Variants in CAMTA1 observed in about 807,000 individuals in gnomAD.
CAMTA1 encodes the protein calmodulin binding transcription activator 1, also known as calmodulin-binding transcription activator 1.
In CAMTA1, 27 loss-of-function variants were observed where a neutral mutation model predicts 170.9. The ratio of observed to expected loss-of-function variants is 0.16; its 90% confidence interval spans 0.12 to 0.22. CAMTA1 has a LOEUF of 0.22. Among genes scored for constraint, CAMTA1 ranks in the 10% least tolerant of loss-of-function variants. CAMTA1 has a pLI of 1.00. For missense variants in CAMTA1, 1,619 were observed against 2,217.2 expected, an observed-to-expected ratio of 0.73 and a Z score of 5.42; for synonymous variants, 833 against 891.5, an observed-to-expected ratio of 0.93 and a Z score of 1.17.
chr1:7,434,984 T>G (rs557907858), intron 5 of CAMTA1, among the ~76,000 whole-genome samples: 2 of 151,906 alleles, frequency 1.3e-5, no homozygotes, highest in East Asian at 3.9e-4. Context: ...CCCAGGAGGT[T>G]GAGGCTGCAG....
chr1:7,374,290 C>T (rs2086691511), intron 5 of CAMTA1, among the ~76,000 whole-genome samples: 1 of 152,242 alleles, frequency 6.6e-6, no homozygotes, highest in Non-Finnish European at 1.5e-5. Context: ...TGCATGCCTG[C>T]TCTTGTTTTC....
Position 7,751,262 on chromosome 1 carries a change from T to C in CAMTA1, c.4753T>C (p.Tyr1585His). 3 of 1,612,128 alleles carry C rather than the reference T, an allele frequency of 1.9e-6. No homozygotes were observed. The highest frequency in any genetic ancestry group is 2.5e-6 in the Non-Finnish European group (3 of 1,179,596). The change falls in exon 20 of 23, where the codon TAT becomes CAT. Residue 1585 changes from tyrosine to histidine, a missense_variant. Tyr to His is a moderately conservative substitution (Grantham distance 83). This residue lies in a region of CAMTA1 where 128 missense variants were observed against 213.5 expected (regional missense o/e 0.60). Coordinates refer to ENST00000303635, the MANE Select transcript of CAMTA1 (RefSeq NM_015215.4). ...ILIQSKFRSY[Y>H]EQKKFQQSRR... ...TATCCAGAGCAAATTCCGAAGTTAC[T>C]ATGAACAAAAAAAATTCCAGCAGAG...
chr1:6,865,384 A>G lies in CAMTA1; in HGVS notation c.234+40174A>G, dbSNP rs188870997. Among the ~76,000 whole-genome samples the G allele has an allele frequency of 5.3e-5, 8 of 152,278 alleles. No individual in the cohort carries two copies. The East Asian group carries it at 1.4e-3, about 26-fold the overall frequency. On this transcript the variant is annotated intron_variant, in intron 3 of 22. Coordinates refer to ENST00000303635, the MANE Select transcript of CAMTA1 (RefSeq NM_015215.4). ...CAGGCCTAGTGCAGAGTGTGGGGTT[A>G]TGAGGGCTTGTGAGTGAGCCTGTTG...
chr1:6,956,387 C>T (rs1689463001), intron 3 of CAMTA1, among the ~76,000 whole-genome samples: 1 of 152,190 alleles, frequency 6.6e-6, no homozygotes, highest in Admixed American at 6.5e-5. Flanking sequence ...AGTGTCATTT[C>T]TCCCTTGCCC....
intron 3 of CAMTA1, among the ~76,000 whole-genome samples, chr1:7,013,699 G>A (rs1198019000): frequency 1.3e-5 from 2 of 152,116 alleles, no homozygotes; most frequent in Non-Finnish European, 2.9e-5. Context: ...TGGACTCACC[G>A]CCCCCCTGGT....
chr1:6,960,706 G>T (rs1340329357), intron 3 of CAMTA1, among the ~76,000 whole-genome samples: 1 of 152,208 alleles, frequency 6.6e-6, no homozygotes, highest in African/African-American at 2.4e-5. Context: ...CGAGGGCAGA[G>T]CCCACTCTGC....
chr1:7,250,687 A>G (rs1345468649), intron 5 of CAMTA1, among the ~76,000 whole-genome samples: 1 of 152,104 alleles, frequency 6.6e-6, no homozygotes, highest in Non-Finnish European at 1.5e-5. Flanking sequence ...ATAGCACCAA[A>G]TGGCCTGTAT....
chr1:7,695,052 T>G (rs1005572205), intron 11 of CAMTA1, among the ~76,000 whole-genome samples: 1 of 152,202 alleles, frequency 6.6e-6, no homozygotes, highest in Non-Finnish European at 1.5e-5. Context: ...ATGATGTTTA[T>G]TATGACATCA....
chr1:7,492,845 GCA>G (rs938412614), intron 6 of CAMTA1, among the ~76,000 whole-genome samples: 3 of 121,020 alleles, frequency 2.5e-5, no homozygotes, highest in Non-Finnish European at 5.0e-5. Flanking sequence ...ACACGCACAC[GCA>G]CAAACACAAA....
rs79484426 is a variant in CAMTA1, at chr1:7,361,492, C to T, written c.439-106338C>T. ...GAGGCTGGAGAAGCCTGGGACACCTCCTGGAGCCACATCCTCTTCCTTCAG... is the reference window on the plus strand; with the variant it reads ...GAGGCTGGAGAAGCCTGGGACACCTTCTGGAGCCACATCCTCTTCCTTCAG... On this transcript the variant is annotated intron_variant, in intron 5 of 22. Transcript: ENST00000303635. 9.4e-3 allele frequency among the ~76,000 whole-genome samples: 1,436 copies of T among 152,248 alleles called. 23 individuals carry two copies. Among genetic ancestry groups the T allele is most frequent in the African/African-American group, 0.032 (1,308 of 41,520 alleles).
intron 3 of CAMTA1, among the ~76,000 whole-genome samples, chr1:6,983,369 C>T (rs1694760834): frequency 6.6e-6 from 1 of 152,128 alleles, no homozygotes; most frequent in African/African-American, 2.4e-5. Context: ...CCAGACGCTC[C>T]AACAGTCAGG....
chr1:7,287,663 A>C (rs1672542043), intron 5 of CAMTA1, among the ~76,000 whole-genome samples: 1 of 152,222 alleles, frequency 6.6e-6, no homozygotes, highest in Non-Finnish European at 1.5e-5. Context: ...GCTGGTAATA[A>C]ACAAGCCCTG....
In CAMTA1 at chr1:7,534,294, G is replaced by A. The variant is rs1266146824; in HGVS notation, c.510+66393G>A. Among the ~76,000 whole-genome samples, 2 of 152,180 alleles carry A rather than the reference G, an allele frequency of 1.3e-5. No homozygotes were observed. Among genetic ancestry groups the A allele is most frequent in the Non-Finnish European group, 2.9e-5 (2 of 68,046 alleles). ...GCTGGAGGCCGAGGCTGGGGGCCGC[G>A]GGGCTATTTTTAGTTTGCGTCAACA... On this transcript the variant is annotated intron_variant, in intron 6 of 22. Coordinates refer to ENST00000303635, the MANE Select transcript of CAMTA1 (RefSeq NM_015215.4). The surrounding 1 kb of genome is among the most constrained non-coding windows in gnomAD (Gnocchi z 5.6).
intron 9 of CAMTA1, among the ~76,000 whole-genome samples, chr1:7,667,837 G>A (rs2096014952): frequency 6.6e-6 from 1 of 152,204 alleles, no homozygotes; most frequent in Non-Finnish European, 1.5e-5. Context: ...ACCAAAAGCT[G>A]CTGAAATTCA....
intron 3 of CAMTA1, among the ~76,000 whole-genome samples, chr1:7,034,018 G>A (rs527281838): frequency 4.4e-4 from 67 of 152,176 alleles, no homozygotes; most frequent in African/African-American, 1.5e-3. Flanking sequence ...TGAGTTCAGG[G>A]CTGATTTTTT....
intron 4 of CAMTA1, chr1:7,219,212 TTC>T (rs1302607417): frequency 6.6e-6 from 1 of 151,990 alleles, no homozygotes; most frequent in Non-Finnish European, 1.5e-5. Context: ...TGTTTTCCGT[TTC>T]TGTGTTTACG....
rs922380972 is a variant in CAMTA1 at position 7,562,895 on chromosome 1, G to A, written c.511-77505G>A. On this transcript the variant is annotated intron_variant, in intron 6 of 22. Coordinates refer to ENST00000303635, the MANE Select transcript of CAMTA1 (RefSeq NM_015215.4). The surrounding 1 kb of genome is among the most constrained non-coding windows in gnomAD (Gnocchi z 4.8). ...CAGCCAGCTCCGGGACTCTCCCAGG[G>A]CCCCATGGGCTGTTTAGCCAGAGCT... 6.6e-6 allele frequency among the ~76,000 whole-genome samples: 1 copy of A among 152,166 alleles called. No homozygotes were observed. Among genetic ancestry groups the A allele is most frequent in the African/African-American group, 2.4e-5 (1 of 41,458 alleles).
At chr1:7,022,944 C>T (rs537524827) in intron 3 of CAMTA1, among the ~76,000 whole-genome samples, 16 of 152,236 alleles carry the variant, frequency 1.1e-4, no homozygotes, top group Non-Finnish European at 1.3e-4. Flanking sequence ...GAGTGCAAGT[C>T]GAGTGGCCTT....
At chr1:7,492,760 A>C (rs1166332407) in intron 6 of CAMTA1, among the ~76,000 whole-genome samples, 12 of 94,568 alleles carry the variant, frequency 1.3e-4, no homozygotes, top group Non-Finnish European at 6.2e-5. Context: ...CACACACACA[A>C]ACCTACATAC....
Sources: allele counts gnomAD v4.1 joint callset (sites outside exome capture counted in the v4.1 genomes callset), GRCh38; gene constraint gnomAD v4.1.1; regional missense constraint gnomAD v4.1.1; non-coding constraint Gnocchi (gnomAD v3.1); transcripts MANE v1.5; gene names NCBI Gene and HGNC (gene_info 2026-07-23, HGNC 2026-07-21).